Variants in ZSCAN18 observed in about 807,000 individuals in gnomAD.
ZSCAN18 encodes the protein zinc finger and SCAN domain-containing protein 18.
A neutral mutation model predicts 31.1 loss-of-function variants in ZSCAN18; 16 were observed. The ratio of observed to expected loss-of-function variants is 0.51; its 90% CI spans 0.35 to 0.78. The LOEUF (loss-of-function observed/expected upper bound fraction) is 0.78, where lower values mean the gene tolerates loss of function less well. Among genes scored for constraint, ZSCAN18 ranks in the 30% least tolerant of loss-of-function variants. ZSCAN18 has a pLI of 0.01. For missense variants in ZSCAN18, 731 were observed against 697.4 expected (o/e 1.05, Z -0.54); for synonymous variants, 375 against 320.7 (o/e 1.17, Z -1.81).
chr19:58,098,384 C>T, upstream of ZSCAN18: 8 of 985,488 alleles, frequency 8.1e-6, no homozygotes, highest in Non-Finnish European at 9.6e-6. Flanking sequence ...TCCCGGCGTC[C>T]CGCCCACTCC....
At chr19:58,094,542 T>G (rs960790113) in intron 1 of ZSCAN18, among the ~76,000 whole-genome samples, 2 of 152,128 alleles carry the variant, frequency 1.3e-5, no homozygotes, top group Admixed American at 1.3e-4. Flanking sequence ...CAGAGCCCTG[T>G]GCGTACCCAC....
At chr19:58,098,346 G>C (rs1342661199), upstream of ZSCAN18, 1 of 985,502 alleles carries the variant, frequency 1.0e-6, no homozygotes, top group Non-Finnish European at 1.2e-6. Context: ...GTGACAGTGC[G>C]CATGGCCAAT....
chr19:58,111,402 G>A (rs547037914), intron 1 of ZSCAN18, among the ~76,000 whole-genome samples: 121 of 152,184 alleles, frequency 8.0e-4, no homozygotes, highest in African/African-American at 2.6e-3. Flanking sequence ...GCAGGAATGC[G>A]GTGGTGTGAT....
At chr19:58,109,336 T>C (rs2074660675) in intron 1 of ZSCAN18, 1 of 1,231,294 alleles carries the variant, frequency 8.1e-7, no homozygotes, top group East Asian at 3.2e-5. Flanking sequence ...TTTTGAATCC[T>C]TAGAGAAAAA....
intron 1 of ZSCAN18, chr19:58,107,783 C>T: frequency 1.0e-6 from 1 of 992,364 alleles, no homozygotes; most frequent in Non-Finnish European, 1.2e-6. Context: ...TGTGTCAACT[C>T]TGGTTTCTAG....
upstream of ZSCAN18, chr19:58,098,308 AC>A: frequency 1.0e-6 from 1 of 985,436 alleles, no homozygotes; most frequent in African/African-American, 1.7e-5. Flanking sequence ...TGTGCCGCGC[AC>A]CGGGGCGAGC....
At chr19:58,086,146 C>T in intron 6 of ZSCAN18, 28 bp downstream of exon 6, 1 of 1,610,310 alleles carries the variant, frequency 6.2e-7, no homozygotes. Context: ...CCCCACCCGG[C>T]CCTAACACCA....
At chr19:58,109,505 T>C (rs2554983) in intron 1 of ZSCAN18, among the ~76,000 whole-genome samples, 115,847 of 152,116 alleles carry the variant, frequency 0.76, 44,842 homozygotes, top group Non-Finnish European at 0.85. Flanking sequence ...CTCTTTCTAA[T>C]AGCCCGAGAC....
At chr19:58,111,879 A>C (rs1391751788) in intron 1 of ZSCAN18, among the ~76,000 whole-genome samples, 1 of 152,228 alleles carries the variant, frequency 6.6e-6, no homozygotes, top group Non-Finnish European at 1.5e-5. Context: ...AGGACTGTTC[A>C]TGGAATGCAA....
intron 1 of ZSCAN18, among the ~76,000 whole-genome samples, chr19:58,117,719 GAA>G (rs34961124): frequency 1.2e-4 from 17 of 138,738 alleles, no homozygotes; most frequent in Non-Finnish European, 2.4e-4. Flanking sequence ...GTGCCCGCAG[GAA>G]AAAAAAAAAA....
rs551259339 is a variant in ZSCAN18, at chr19:58,087,322, G to A, written c.636C>T (p.Thr212=). 9.7e-5 allele frequency: 155 copies of A among 1,605,248 alleles called. No homozygotes were observed. The East Asian group carries it at 2.8e-3, about 29-fold the overall frequency. The part of the protein sequence containing the change: ...AKTEEDGPAN[T]EQKLKSFPED... ...CCTGCTCGTGCCCACCCACCTGCTCGGTGTTGGCAGGGCCGTCCTCTTCGG... is the reference window on the plus strand; with the variant it reads ...CCTGCTCGTGCCCACCCACCTGCTCAGTGTTGGCAGGGCCGTCCTCTTCGG... Residue 212 remains threonine, a synonymous_variant, in exon 4 of 7, where the codon ACC becomes ACT. Coordinates refer to ENST00000601144, the MANE Select transcript of ZSCAN18 (RefSeq NM_001145543.2).
intron 1 of ZSCAN18, among the ~76,000 whole-genome samples, chr19:58,107,159 C>A (rs1417248110): frequency 6.6e-6 from 1 of 152,150 alleles, no homozygotes; most frequent in Non-Finnish European, 1.5e-5. Context: ...GGTGTGAGAA[C>A]AACATTCATC....
chr19:58,105,642 C>A (rs974440657), intron 1 of ZSCAN18, among the ~76,000 whole-genome samples: 5 of 151,824 alleles, frequency 3.3e-5, no homozygotes, highest in African/African-American at 1.2e-4. Context: ...GCCTGGGCAA[C>A]AGAGTGAGAC....
chr19:58,117,213 G>T (rs2074737361), intron 1 of ZSCAN18, among the ~76,000 whole-genome samples: 1 of 152,216 alleles, frequency 6.6e-6, no homozygotes, highest in Admixed American at 6.5e-5. Flanking sequence ...AAAGAGGATT[G>T]TGGGTGGAGG....
At chr19:58,114,794 T>TA (rs906538161) in intron 1 of ZSCAN18, among the ~76,000 whole-genome samples, 4 of 152,278 alleles carry the variant, frequency 2.6e-5, no homozygotes, top group Admixed American at 1.3e-4. Flanking sequence ...ACTTTTCTGT[T>TA]AGAGTATTTC....
chr19:58,096,591 C>G (rs1311684743), intron 1 of ZSCAN18, among the ~76,000 whole-genome samples: 1 of 152,302 alleles, frequency 6.6e-6, no homozygotes, highest in Non-Finnish European at 1.5e-5. Flanking sequence ...AGAGCTCAAG[C>G]CTGGTTTGGC....
chr19:58,094,447 C>T (rs2074482136), intron 1 of ZSCAN18, among the ~76,000 whole-genome samples: 1 of 151,826 alleles, frequency 6.6e-6, no homozygotes, highest in South Asian at 2.1e-4. Context: ...CTTATTCATC[C>T]TCCAGGAACA....
Position 58,118,177 on chromosome 19 carries a change from A to T in ZSCAN18, c.130+90T>A. 5.1e-6 allele frequency: 3 copies of T among 583,504 alleles called. No homozygotes were observed. In the South Asian group the frequency reaches 1.0e-4, roughly 20 times the overall value. 36.1% of individuals were successfully genotyped at this position (583,504 alleles called of 1,614,324 possible). A position where few individuals can be genotyped will look rare whatever the true frequency, so the allele number is the denominator to read the frequency against. Reference sequence around the variant, plus strand: ...CAGCGCCCCTAACAAGCCCCTGCCCAGAGCAGGGCTGCCGCGTACCCTCAC... The same window carrying T: ...CAGCGCCCCTAACAAGCCCCTGCCCTGAGCAGGGCTGCCGCGTACCCTCAC... On this transcript the variant is annotated intron_variant, in intron 1 of 1. Transcript: ENST00000595721.
In ZSCAN18 at chr19:58,085,081, C is replaced by T. The variant is rs748055314; in HGVS notation, c.1137G>A (p.Gly379=). 1.2e-6 allele frequency: 2 copies of T among 1,604,120 alleles called. No individual in the cohort carries two copies. Among genetic ancestry groups the T allele is most frequent in the Non-Finnish European group, 1.7e-6 (2 of 1,174,526 alleles). The stretch of plus-strand genomic sequence containing the variant: ...AGCTAGAGACGCCCTCGAGGCTCTG[C>T]CCGTCCCCATCCTCGGGGTGCGGCC... ...TKRPHPEDGD[G]QSLEGVSSSG... Residue 379 remains glycine, a synonymous_variant, in exon 7 of 7, where the codon GGG becomes GGA. Coordinates refer to ENST00000601144, the MANE Select transcript of ZSCAN18 (RefSeq NM_001145543.2).
Sources: allele counts gnomAD v4.1 joint callset (sites outside exome capture counted in the v4.1 genomes callset), GRCh38; gene constraint gnomAD v4.1.1; transcripts MANE v1.5; gene names NCBI Gene and HGNC (gene_info 2026-07-23, HGNC 2026-07-21).